Variants in KCNC4 observed in about 807,000 individuals in gnomAD.
KCNC4 encodes the protein voltage-gated potassium channel KCNC4.
In KCNC4, 23 loss-of-function variants were observed where a neutral mutation model predicts 42.8. The observed-to-expected ratio is 0.54, with a 90% CI of 0.39 to 0.76. The LOEUF (loss-of-function observed/expected upper bound fraction) is 0.76, where lower values mean the gene tolerates loss of function less well. Among genes scored for constraint, KCNC4 ranks in the 30% least tolerant of loss-of-function variants. The pLI, the probability that KCNC4 is intolerant of heterozygous loss-of-function variation, is 0.00. For synonymous variants in KCNC4, 422 were observed against 393.5 expected, an observed-to-expected ratio of 1.07 and a Z score of -0.86; for missense variants, 751 against 898.2, an observed-to-expected ratio of 0.84 and a Z score of 2.10.
At position 110,223,534 on chromosome 1, in the gene KCNC4, C is replaced by G. The variant is rs747773866; in HGVS notation, c.1249C>G (p.His417Asp). Residue 417 changes from histidine (H) to aspartate (D), a missense_variant, in exon 2 of 4, where the codon CAC becomes GAC. By Grantham distance (81) the His-to-Asp change is moderately conservative. Around this residue, in one of 4 missense-constraint regions of KCNC4, gnomAD observed 185 missense variants for 293.7 expected, o/e 0.63. Transcript: ENST00000438661. This position sits in a 1 kb window ranked among gnomAD's most constrained non-coding sequence, Gnocchi z 7.5. The stretch of plus-strand genomic sequence containing the variant: ...GCCCTCCGACCCTCGGGGTAATGAC[C>G]ACACCGACTTCAAGAACATCCCCAT... ...ARPSDPRGND[H>D]TDFKNIPIGF... The G allele has an allele frequency of 6.2e-7, 1 of 1,613,918 alleles. No individual in the cohort carries two copies. The highest frequency in any genetic ancestry group is 8.5e-7 in the Non-Finnish European group (1 of 1,180,034).
chr1:110,211,997 AGGCGGCAGC>A lies in KCNC4; in HGVS notation c.503_511del (p.Gly168_Gly170del). On this transcript the variant is annotated inframe_deletion, in exon 1 of 4. Transcript: ENST00000438661. This position sits in a 1 kb window ranked among gnomAD's most constrained non-coding sequence, Gnocchi z 6.5. ...TCGACATCTTCGAGAGCCCGGACGG[AGGCGGCAGC>A]GGCGCGGGGCCCAGCGACGAGGCCG... 6.2e-7 allele frequency: 1 copy of A among 1,607,876 alleles called. No individual in the cohort carries two copies. Among genetic ancestry groups the A allele is most frequent in the Non-Finnish European group, 8.5e-7 (1 of 1,178,284 alleles).
intron 1 of KCNC4, among the ~76,000 whole-genome samples, chr1:110,214,029 A>G (rs1028687749): frequency 2.6e-5 from 4 of 152,074 alleles, no homozygotes; most frequent in Admixed American, 6.5e-5. Flanking sequence ...CCCACATATC[A>G]TTGAGTTTAT....
At chr1:110,249,639 C>T (rs1659217288), downstream of KCNC4, among the ~76,000 whole-genome samples, 1 of 152,126 alleles carries the variant, frequency 6.6e-6, no homozygotes, top group Admixed American at 6.5e-5. Flanking sequence ...GAGTTGGTGA[C>T]CTTTTAGAAG....
chr1:110,281,869 T>TCTG (rs891697912), intron 1 of KCNC4, among the ~76,000 whole-genome samples: 2 of 152,126 alleles, frequency 1.3e-5, no homozygotes, highest in Non-Finnish European at 2.9e-5. Context: ...AATGCTGGCT[T>TCTG]CTGCTGCTGC....
At chr1:110,226,231 C>A in intron 3 of KCNC4, 53 bp downstream of exon 3, 3 of 1,540,752 alleles carry the variant, frequency 1.9e-6, no homozygotes, top group East Asian at 2.3e-5. Context: ...CTGAGTCTCC[C>A]GAGTCCCCCA....
In KCNC4 at chr1:110,223,578, G is replaced by A. The variant is rs2101015560; in HGVS notation, c.1293G>A (p.Val431=). 1 of 1,614,044 alleles carries A rather than the reference G, an allele frequency of 6.2e-7. No individual in the cohort carries two copies. Among genetic ancestry groups the A allele is most frequent in the East Asian group, 2.2e-5 (1 of 44,878 alleles). The change falls in exon 2 of 4, where the codon GTG becomes GTA. Residue 431 remains valine (V), a synonymous_variant. Transcript: ENST00000438661. This position sits in a 1 kb window ranked among gnomAD's most constrained non-coding sequence, Gnocchi z 7.5. The part of the protein sequence containing the change: ...KNIPIGFWWA[V]VTMTTLGYGD... Reference sequence around the variant, plus strand: ...TCCCCATTGGCTTCTGGTGGGCTGTGGTCACCATGACGACACTGGGCTACG... The same window carrying A: ...TCCCCATTGGCTTCTGGTGGGCTGTAGTCACCATGACGACACTGGGCTACG...
At chr1:110,239,191 TG>T (rs1471032641) in exon 4 of KCNC4, 1 of 152,534 alleles carries the variant, frequency 6.6e-6, no homozygotes, top group East Asian at 1.9e-4. Context: ...CTGCTCCTCA[TG>T]GCCTTCCTGC....
chr1:110,248,691 G>A (rs1392921877), exon 4 of KCNC4: 1 of 152,170 alleles, frequency 6.6e-6, no homozygotes, highest in Non-Finnish European at 1.5e-5. Flanking sequence ...TTAACTGTAT[G>A]AGACTTGTGT....
chr1:110,227,739 G>A (rs928538246), intron 3 of KCNC4, among the ~76,000 whole-genome samples: 15 of 151,772 alleles, frequency 9.9e-5, no homozygotes, highest in Admixed American at 2.0e-4. Context: ...TGAGTGCCAC[G>A]CATCCCTGCT....
At chr1:110,216,845 T>A (rs2603595) in intron 1 of KCNC4, among the ~76,000 whole-genome samples, 86,733 of 151,960 alleles carry the variant, frequency 0.57, 25,029 homozygotes, top group African/African-American at 0.61. Context: ...GGTCCTTATC[T>A]GGAAGTGGAC....
chr1:110,280,891 A>C (rs889356663), intron 1 of KCNC4, among the ~76,000 whole-genome samples: 1 of 152,076 alleles, frequency 6.6e-6, no homozygotes, highest in Non-Finnish European at 1.5e-5. Context: ...ACGTAGACCA[A>C]ATTGCTGTGT....
exon 4 of KCNC4, chr1:110,240,700 G>A (rs1336827589): frequency 6.6e-6 from 1 of 152,172 alleles, no homozygotes; most frequent in Admixed American, 6.5e-5. Context: ...CCCTCCCTGG[G>A]GTGGTGGCTC....
At chr1:110,227,360 G>A (rs977622587) in intron 3 of KCNC4, among the ~76,000 whole-genome samples, 1 of 152,166 alleles carries the variant, frequency 6.6e-6, no homozygotes, top group Non-Finnish European at 1.5e-5. Flanking sequence ...CTCTCCCCAT[G>A]GAAGCCCCAG....
intron 1 of KCNC4, among the ~76,000 whole-genome samples, chr1:110,271,475 A>G (rs551683862): frequency 6.6e-6 from 1 of 152,330 alleles, no homozygotes; most frequent in South Asian, 2.1e-4. Context: ...AATCTAGTCT[A>G]GAAAATTTCT....
chr1:110,281,235 G>T (rs1226145619), intron 1 of KCNC4, among the ~76,000 whole-genome samples: 1 of 152,038 alleles, frequency 6.6e-6, no homozygotes, highest in Non-Finnish European at 1.5e-5. Flanking sequence ...GTGGTTTGCT[G>T]TGGGTTTCTC....
At chr1:110,214,331 T>C (rs1275620251) in intron 1 of KCNC4, among the ~76,000 whole-genome samples, 1 of 152,188 alleles carries the variant, frequency 6.6e-6, no homozygotes, top group African/African-American at 2.4e-5. Context: ...AGCCTTCTGG[T>C]TGTTCATCCT....
In KCNC4 at chr1:110,211,522, C is replaced by T. The variant is rs775490508; in HGVS notation, c.23C>T (p.Ser8Phe). 4.3e-6 allele frequency: 7 copies of T among 1,613,772 alleles called. No individual in the cohort carries two copies. Among genetic ancestry groups the T allele is most frequent in the Non-Finnish European group, 5.9e-6 (7 of 1,179,922 alleles). Residue 8 changes from serine (S) to phenylalanine (F), a missense_variant, in exon 1 of 4, where the codon TCC becomes TTC. Ser to Phe is a radical substitution (Grantham distance 155). Around this residue, in one of 4 missense-constraint regions of KCNC4, gnomAD observed 183 missense variants for 255.8 expected, o/e 0.72. Transcript: ENST00000438661. This position sits in a 1 kb window ranked among gnomAD's most constrained non-coding sequence, Gnocchi z 6.5. MISSVCV[S>F]SYRGRKSGNK... ...CTTATGATCAGCTCGGTGTGTGTCT[C>T]CTCCTACCGCGGGCGCAAGTCGGGG...
chr1:110,211,697 C>G lies in KCNC4; in HGVS notation c.198C>G (p.Ala66=). The G allele has an allele frequency of 6.2e-7, 1 of 1,609,834 alleles. No homozygotes were observed. The change falls in exon 1 of 4, where the codon GCC becomes GCG. Residue 66 remains alanine (A), a synonymous_variant. Transcript: ENST00000438661. The surrounding 1 kb of genome is among the most constrained non-coding windows in gnomAD (Gnocchi z 6.5). Reference sequence around the variant, plus strand: ...CGGGAACCCGCCTCGCCTGGCTGGCCGACCCCGACGGCGGGGGCCGGCCCG... The same window carrying G: ...CGGGAACCCGCCTCGCCTGGCTGGCGGACCCCGACGGCGGGGGCCGGCCCG... ...TLPGTRLAWL[A]DPDGGGRPET...
At chr1:110,251,723 C>T (rs1466841461), downstream of KCNC4, among the ~76,000 whole-genome samples, 5 of 152,198 alleles carry the variant, frequency 3.3e-5, no homozygotes, top group Non-Finnish European at 5.9e-5. Flanking sequence ...GTTAAGCTGA[C>T]AACATTAACT....
Sources: allele counts gnomAD v4.1 joint callset (sites outside exome capture counted in the v4.1 genomes callset), GRCh38; gene constraint gnomAD v4.1.1; regional missense constraint gnomAD v4.1.1; non-coding constraint Gnocchi (gnomAD v3.1); transcripts MANE v1.5; gene names NCBI Gene and HGNC (gene_info 2026-07-23, HGNC 2026-07-21).